SP4: variants seen among roughly 807,000 people sequenced by gnomAD.
SP4 encodes the protein Sp4 transcription factor.
Under a neutral mutation model 72.8 loss-of-function variants are expected in SP4, and 19 were observed. The ratio of observed to expected loss-of-function variants is 0.26; its 90% CI spans 0.18 to 0.38. The LOEUF (loss-of-function observed/expected upper bound fraction) is 0.38. SP4 is among the 10% of genes least tolerant of loss of function. The pLI is 1.00. For synonymous variants in SP4, 395 were observed against 333.1 expected (o/e 1.19, Z -2.02); for missense variants, 1,008 against 926.3 (o/e 1.09, Z -1.14).
Position 21,507,390 on chromosome 7 carries a change from C to T in SP4, c.2108-3632C>T, listed in dbSNP as rs538077816. Among the ~76,000 whole-genome samples the T allele has an allele frequency of 4.7e-4, 71 of 152,266 alleles. 1 individual carries two copies. The South Asian group carries it at 5.6e-3, about 12-fold the overall frequency. On this transcript the variant is annotated intron_variant, in intron 5 of 5. Coordinates refer to ENST00000222584, the MANE Select transcript of SP4 (RefSeq NM_003112.5). Reference sequence around the variant, plus strand: ...TTTAGAGGAGCAGTTGGTTTGGCTCCGCCATGGTGTCCAGGTCTTTCCTCC... The same window carrying T: ...TTTAGAGGAGCAGTTGGTTTGGCTCTGCCATGGTGTCCAGGTCTTTCCTCC...
intron 5 of SP4, among the ~76,000 whole-genome samples, chr7:21,487,029 C>G (rs1784832890): frequency 6.6e-6 from 1 of 152,112 alleles, no homozygotes; most frequent in African/African-American, 2.4e-5. Context: ...GTTCTTTGTA[C>G]CACTTATACT....
Position 21,428,182 on chromosome 7 carries a change from C to G in SP4, c.-70C>G. 1.6e-6 allele frequency: 1 copy of G among 642,316 alleles called. No homozygotes were observed. The highest frequency in any genetic ancestry group is 2.9e-6 in the Non-Finnish European group (1 of 347,662). 39.8% of individuals were successfully genotyped at this position (642,316 alleles called of 1,614,324 possible). ...GGCGGGCGGGACCGGCCTCTCCTCC[C>G]GCCTCGCCCCCACCCCCACCCACCT... On this transcript the variant is annotated 5_prime_UTR_variant, in exon 1 of 6. Coordinates refer to ENST00000222584, the MANE Select transcript of SP4 (RefSeq NM_003112.5).
At chr7:21,485,639 T>C (rs1347386919) in intron 5 of SP4, among the ~76,000 whole-genome samples, 1 of 152,032 alleles carries the variant, frequency 6.6e-6, no homozygotes, top group Non-Finnish European at 1.5e-5. Context: ...ACATTAAGAT[T>C]CTTTTGAAAA....
intron 5 of SP4, among the ~76,000 whole-genome samples, chr7:21,492,879 G>A (rs1785016483): frequency 6.6e-6 from 1 of 152,098 alleles, no homozygotes; most frequent in African/African-American, 2.4e-5. Context: ...CCATATTCTG[G>A]ACCATGAAAC....
At chr7:21,469,403 G>C (rs1008006467) in intron 3 of SP4, among the ~76,000 whole-genome samples, 4 of 152,164 alleles carry the variant, frequency 2.6e-5, no homozygotes, top group African/African-American at 9.6e-5. Flanking sequence ...TCTATGGTGA[G>C]CATGCTTTGT....
At chr7:21,485,138 A>G (rs1784778689) in intron 5 of SP4, among the ~76,000 whole-genome samples, 1 of 151,964 alleles carries the variant, frequency 6.6e-6, no homozygotes, top group Non-Finnish European at 1.5e-5. Flanking sequence ...GTCTAAAAGA[A>G]TATGAAAAAA....
At chr7:21,443,760 G>A (rs1409461068) in intron 3 of SP4, among the ~76,000 whole-genome samples, 1 of 152,176 alleles carries the variant, frequency 6.6e-6, no homozygotes, top group Non-Finnish European at 1.5e-5. Flanking sequence ...AAGAGGAAGA[G>A]ACTAGGTGAA....
intron 5 of SP4, among the ~76,000 whole-genome samples, chr7:21,494,384 C>G (rs942922910): frequency 6.6e-6 from 1 of 152,034 alleles, no homozygotes; most frequent in African/African-American, 2.4e-5. Context: ...TATAGCAAAT[C>G]CGTGGTGCCT....
intron 3 of SP4, among the ~76,000 whole-genome samples, chr7:21,463,377 C>T (rs187653579): frequency 7.8e-4 from 119 of 152,280 alleles, no homozygotes; most frequent in African/African-American, 2.6e-3. Flanking sequence ...ACAGTGATGG[C>T]TCAGGTAATG....
chr7:21,435,488 G>C (rs184476642), intron 3 of SP4, among the ~76,000 whole-genome samples: 118 of 151,960 alleles, frequency 7.8e-4, no homozygotes, highest in South Asian at 2.1e-3. Context: ...TTTTTTTCCA[G>C]AGCTACTAAA....
intron 3 of SP4, among the ~76,000 whole-genome samples, chr7:21,464,061 A>G (rs1232681273): frequency 1.3e-5 from 2 of 150,722 alleles, no homozygotes; most frequent in African/African-American, 4.9e-5. Flanking sequence ...GCTAGCAACT[A>G]TTTATTATGA....
At chr7:21,463,367 A>G (rs1463303472) in intron 3 of SP4, among the ~76,000 whole-genome samples, 1 of 152,232 alleles carries the variant, frequency 6.6e-6, no homozygotes, top group East Asian at 1.9e-4. Flanking sequence ...TTACCAAGCA[A>G]CAGTGATGGC....
At chr7:21,502,040 A>AACCC (rs1554301402) in intron 5 of SP4, among the ~76,000 whole-genome samples, 4 of 72,278 alleles carry the variant, frequency 5.5e-5, no homozygotes, top group East Asian at 1.1e-3. Flanking sequence ...TTCATTAGGC[A>AACCC]CCCCCCCCCC....
chr7:21,484,045 A>G (rs754349192), intron 5 of SP4, among the ~76,000 whole-genome samples: 1 of 151,978 alleles, frequency 6.6e-6, no homozygotes, highest in Non-Finnish European at 1.5e-5. Flanking sequence ...ACCGGCATAG[A>G]AATTAGCTCC....
Position 21,511,573 on chromosome 7 carries a change from T to A in SP4, c.*304T>A, listed in dbSNP as rs1483391167. 2 of 251,268 alleles carry A rather than the reference T, an allele frequency of 8.0e-6. No homozygotes were observed. Among genetic ancestry groups the A allele is most frequent in the East Asian group, 1.6e-4 (2 of 12,898 alleles). 15.6% of individuals were successfully genotyped at this position (251,268 alleles called of 1,614,324 possible). ...CTCTTAATATCATGTGTTAACATGT[T>A]TAAAAAGACCTTAGTAGTTTGCAGG... is the stretch of plus-strand genomic sequence containing the variant. On this transcript the variant is annotated 3_prime_UTR_variant, in exon 6 of 6. Transcript: ENST00000222584.
At chr7:21,453,980 T>C (rs565201656) in intron 3 of SP4, among the ~76,000 whole-genome samples, 4 of 152,340 alleles carry the variant, frequency 2.6e-5, no homozygotes, top group Admixed American at 1.3e-4. Context: ...TGCCTTCTTA[T>C]GATATTTTAC....
chr7:21,459,096 A>G (rs746872820), intron 3 of SP4, among the ~76,000 whole-genome samples: 9 of 148,354 alleles, frequency 6.1e-5, no homozygotes, highest in Non-Finnish European at 1.2e-4. Context: ...AATTAAAGCT[A>G]TCATTGTAAT....
chr7:21,509,232 A>G (rs933357944), intron 5 of SP4, among the ~76,000 whole-genome samples: 4 of 152,142 alleles, frequency 2.6e-5, no homozygotes, highest in South Asian at 4.1e-4. Flanking sequence ...AGGTAAAAGA[A>G]ATAAATTTTT....
At chr7:21,432,225 G>A (rs1782884627) in intron 3 of SP4, among the ~76,000 whole-genome samples, 1 of 152,186 alleles carries the variant, frequency 6.6e-6, no homozygotes, top group Admixed American at 6.5e-5. Context: ...TTCCATTGCG[G>A]TACTTTTTCT....
Sources: gnomAD v4.1 joint callset for allele counts (sites outside exome capture counted in the v4.1 genomes callset) on GRCh38, gnomAD v4.1.1 for gene constraint, MANE v1.5 for transcripts, NCBI Gene and HGNC (gene_info 2026-07-23, HGNC 2026-07-21) for gene names.